Variants in CNKSR3 observed in about 807,000 individuals in gnomAD.
The protein encoded by CNKSR3 is CNKSR family member 3.
A neutral mutation model predicts 67.7 loss-of-function variants in CNKSR3; 36 were observed. The ratio of observed to expected loss-of-function variants is 0.53; its 90% confidence interval spans 0.41 to 0.70. The LOEUF (loss-of-function observed/expected upper bound fraction) is 0.70. CNKSR3 is among the 30% of genes least tolerant of loss of function. CNKSR3 has a pLI of 0.00. For synonymous variants in CNKSR3, 281 were observed against 271.4 expected, an observed-to-expected ratio of 1.04 and a Z score of -0.35; for missense variants, 630 against 695.2, an observed-to-expected ratio of 0.91 and a Z score of 1.05.
chr6:154,502,938 G>A, intron 1 of CNKSR3, among the ~76,000 whole-genome samples: 1 of 152,134 alleles, frequency 6.6e-6, no homozygotes, highest in Admixed American at 6.5e-5. Context: ...ACAGACGGGA[G>A]GGCCCCTCTC....
intron 1 of CNKSR3, among the ~76,000 whole-genome samples, chr6:154,489,684 C>T (rs1013019929): frequency 6.6e-6 from 1 of 151,950 alleles, no homozygotes; most frequent in South Asian, 2.1e-4. Flanking sequence ...TTACATGTAC[C>T]CTTCTTTGGG....
intron 4 of CNKSR3, among the ~76,000 whole-genome samples, chr6:154,437,299 G>A (rs1023368503): frequency 2.0e-5 from 3 of 151,702 alleles, no homozygotes; most frequent in South Asian, 2.1e-4. Flanking sequence ...CCATCACAAC[G>A]CACATGGGGT....
At chr6:154,493,626 G>A (rs994339075) in intron 1 of CNKSR3, among the ~76,000 whole-genome samples, 63 of 152,142 alleles carry the variant, frequency 4.1e-4, no homozygotes, top group African/African-American at 1.5e-3. Flanking sequence ...ACCTGAGACT[G>A]GGTAATTTAC....
intron 9 of CNKSR3, among the ~76,000 whole-genome samples, chr6:154,417,498 T>A (rs139847896): frequency 6.6e-6 from 1 of 152,318 alleles, no homozygotes; most frequent in African/African-American, 2.4e-5. Flanking sequence ...CATCGCCCTG[T>A]AGCTACCCTT....
intron 1 of CNKSR3, among the ~76,000 whole-genome samples, chr6:154,501,389 A>G (rs1786990649): frequency 6.6e-6 from 1 of 152,146 alleles, no homozygotes; most frequent in Admixed American, 6.6e-5. Context: ...AAATAAAAAT[A>G]AAAAATTGCA....
intron 12 of CNKSR3, among the ~76,000 whole-genome samples, chr6:154,409,330 T>C (rs982086281): frequency 6.6e-6 from 1 of 152,342 alleles, no homozygotes; most frequent in East Asian, 1.9e-4. Flanking sequence ...CTGCCAATGA[T>C]GACAATCAAA....
rs755309277 is a variant in CNKSR3 at position 154,411,075 on chromosome 6, C to T, written c.1138G>A (p.Gly380Ser). The T allele has an allele frequency of 5.0e-6, 8 of 1,613,940 alleles. No individual in the cohort carries two copies. The Admixed American group carries it at 8.3e-5, about 17-fold the overall frequency. Residue 380 changes from glycine to serine, a missense_variant, in exon 11 of 13, where the codon GGT (glycine) becomes AGT (serine). Physicochemically the swap from Gly to Ser is moderately conservative, Grantham distance 56 (BLOSUM62 0). This residue lies in a region of CNKSR3 where 308 missense variants were observed against 299.6 expected (regional missense o/e 1.03). Transcript: ENST00000607772. Reference sequence around the variant, plus strand: ...AAGAAGGAATTCGGGGACTCTGAACCCTTAGGACCAGGCAATGGTTGTTTG... The same window carrying T: ...AAGAAGGAATTCGGGGACTCTGAACTCTTAGGACCAGGCAATGGTTGTTTG... ...KCKQPLPGPK[G>S]SESPNSFLDQ...
chr6:154,394,505 A>G lies in CNKSR3; in HGVS notation c.*11849T>C, dbSNP rs940898343. The G allele has an allele frequency of 1.3e-5, 2 of 152,154 alleles. 1 individual carries two copies. Among genetic ancestry groups the G allele is most frequent in the Admixed American group, 1.3e-4 (2 of 15,258 alleles). The allele number at this position is 152,154 out of a possible 1,614,324, so 9.4% of individuals were successfully genotyped here. A position where few individuals can be genotyped will look rare whatever the true frequency, so the allele number is the denominator to read the frequency against. On this transcript the variant is annotated 3_prime_UTR_variant, in exon 13 of 13. Transcript: ENST00000607772. ...AGAGGACAGCCACAGAGCATTACCC[A>G]ACCTGGAACATCCAAAGTGGACGTT...
intron 9 of CNKSR3, among the ~76,000 whole-genome samples, chr6:154,420,330 T>C (rs897086732): frequency 6.6e-6 from 1 of 151,812 alleles, no homozygotes; most frequent in African/African-American, 2.4e-5. Flanking sequence ...GGGTACAAAG[T>C]TTCAGTTAGC....
intron 7 of CNKSR3, 69 bp downstream of exon 7, chr6:154,428,059 G>C (rs535292357): frequency 2.0e-6 from 2 of 1,018,318 alleles, no homozygotes; most frequent in East Asian, 4.9e-5. Context: ...TAAATTCAAA[G>C]TATAGAGACT....
chr6:154,452,896 C>A (rs1785868094), intron 1 of CNKSR3, among the ~76,000 whole-genome samples: 1 of 152,252 alleles, frequency 6.6e-6, no homozygotes, highest in Admixed American at 6.5e-5. Flanking sequence ...CGATCTCAGA[C>A]TTCTAGCCTC....
intron 3 of CNKSR3, among the ~76,000 whole-genome samples, chr6:154,441,713 C>G (rs767721219): frequency 3.3e-5 from 5 of 150,072 alleles, no homozygotes; most frequent in Non-Finnish European, 5.9e-5. Flanking sequence ...AAATAGCAAT[C>G]TGAATAGAAA....
rs532834796 is a variant in CNKSR3, at chr6:154,437,279, C to G, written c.508-3772G>C. 3.3e-5 allele frequency among the ~76,000 whole-genome samples: 5 copies of G among 152,272 alleles called. No individual in the cohort carries two copies. The South Asian group carries it at 1.0e-3, about 32-fold the overall frequency. ...TGTGAAGTCCCCTGGCACGTTCAAT[C>G]TCATTGCTACCATCACAACGCACAT... On this transcript the variant is annotated intron_variant, in intron 4 of 12. Transcript: ENST00000607772.
intron 4 of CNKSR3, among the ~76,000 whole-genome samples, chr6:154,435,492 G>A (rs1205058126): frequency 6.6e-6 from 1 of 152,068 alleles, no homozygotes; most frequent in Non-Finnish European, 1.5e-5. Context: ...GGTGGTGATG[G>A]AGACAGCAAC....
At chr6:154,431,335 T>C (rs1452168415) in intron 5 of CNKSR3, among the ~76,000 whole-genome samples, 3 of 150,892 alleles carry the variant, frequency 2.0e-5, no homozygotes, top group Non-Finnish European at 4.4e-5. Flanking sequence ...CCCCAGCTAC[T>C]CGGGAGGCTG....
intron 10 of CNKSR3, among the ~76,000 whole-genome samples, chr6:154,412,006 T>C (rs1055547078): frequency 4.6e-5 from 7 of 152,228 alleles, no homozygotes; most frequent in African/African-American, 1.4e-4. Context: ...TACATGTCAG[T>C]TTAAACTGTA....
chr6:154,438,928 A>G (rs773877533), intron 4 of CNKSR3, among the ~76,000 whole-genome samples: 2 of 152,210 alleles, frequency 1.3e-5, no homozygotes, highest in Non-Finnish European at 2.9e-5. Context: ...TGACCAGGAC[A>G]TGTACCTCCT....
At chr6:154,472,995 G>T (rs1786364683) in intron 1 of CNKSR3, among the ~76,000 whole-genome samples, 1 of 152,164 alleles carries the variant, frequency 6.6e-6, no homozygotes, top group Non-Finnish European at 1.5e-5. Flanking sequence ...TCAGTGGAGG[G>T]AAGTTGGTGA....
chr6:154,429,894 G>A (rs760287196), intron 6 of CNKSR3, among the ~76,000 whole-genome samples: 14 of 152,142 alleles, frequency 9.2e-5, no homozygotes, highest in African/African-American at 2.9e-4. Context: ...CTCAAGAGCC[G>A]GGATTTAAAC....
Sources: gnomAD v4.1 joint callset for allele counts (sites outside exome capture counted in the v4.1 genomes callset) on GRCh38, gnomAD v4.1.1 for gene constraint, gnomAD v4.1.1 regional missense constraint, MANE v1.5 for transcripts, NCBI Gene and HGNC (gene_info 2026-07-23, HGNC 2026-07-21) for gene names.